The following RIT2 variants were observed in gnomAD, a reference collection of about 807,000 sequenced individuals.
The protein encoded by RIT2 is GTP-binding protein Rit2.
RIT2 carries 24 observed loss-of-function variants against 23.7 expected under a neutral mutation model. That is an observed-to-expected ratio of 1.01 (90% CI 0.73 to 1.43). The LOEUF (loss-of-function observed/expected upper bound fraction) is 1.43, where lower values mean the gene tolerates loss of function less well. RIT2 is among the 40% of genes most tolerant of loss of function. The pLI is 0.00. For missense variants in RIT2, 236 were observed against 266.9 expected, an observed-to-expected ratio of 0.88 and a Z score of 0.81; for synonymous variants, 107 against 91.1, an observed-to-expected ratio of 1.17 and a Z score of -0.99.
At chr18:42,920,605 C>T (rs1184145537) in intron 4 of RIT2, 13 of 793,296 alleles carry the variant, frequency 1.6e-5, no homozygotes, top group East Asian at 2.6e-5. Flanking sequence ...CACTAAAACT[C>T]GTTGTCTTTT....
At chr18:43,074,688 C>CAT (rs1912971215) in intron 1 of RIT2, among the ~76,000 whole-genome samples, 1 of 152,156 alleles carries the variant, frequency 6.6e-6, no homozygotes, top group African/African-American at 2.4e-5. Flanking sequence ...AAATCTGGCA[C>CAT]ATATACACCA....
intron 4 of RIT2, among the ~76,000 whole-genome samples, chr18:42,814,892 G>A (rs762932195): frequency 5.3e-5 from 8 of 152,182 alleles, no homozygotes; most frequent in Non-Finnish European, 7.3e-5. Flanking sequence ...CCTGGTAGAC[G>A]TGCTGGGTGG....
chr18:43,053,624 C>T (rs753385809), intron 1 of RIT2, among the ~76,000 whole-genome samples: 5 of 151,906 alleles, frequency 3.3e-5, no homozygotes, highest in Non-Finnish European at 4.4e-5. Flanking sequence ...TTACCCCACT[C>T]AAAAATGATT....
chr18:43,033,601 G>A (rs1911907219), intron 2 of RIT2, among the ~76,000 whole-genome samples: 1 of 152,082 alleles, frequency 6.6e-6, no homozygotes, highest in Non-Finnish European at 1.5e-5. Flanking sequence ...AAATAGAATA[G>A]ATAATACCAG....
At chr18:42,917,942 T>C (rs1908954839) in intron 4 of RIT2, among the ~76,000 whole-genome samples, 2 of 152,172 alleles carry the variant, frequency 1.3e-5, no homozygotes, top group Admixed American at 1.3e-4. Context: ...ACCCCTTCCC[T>C]TGCTTCATTT....
intron 1 of RIT2, among the ~76,000 whole-genome samples, chr18:43,036,500 C>A (rs1032423589): frequency 4.6e-5 from 7 of 152,032 alleles, no homozygotes; most frequent in African/African-American, 7.2e-5. Flanking sequence ...AAATTGTGCC[C>A]CTGCACTCCA....
At chr18:43,025,694 A>G (rs568137150) in intron 2 of RIT2, among the ~76,000 whole-genome samples, 97 of 152,250 alleles carry the variant, frequency 6.4e-4, no homozygotes, top group Non-Finnish European at 1.3e-3. Flanking sequence ...CAGCACATGG[A>G]TGAAACTAGA....
chr18:42,773,704 A>G (rs1913602723), intron 4 of RIT2, among the ~76,000 whole-genome samples: 1 of 152,204 alleles, frequency 6.6e-6, no homozygotes, highest in African/African-American at 2.4e-5. Flanking sequence ...AATGCTATGA[A>G]GGATAATTGT....
chr18:42,965,567 T>C (rs911219149), intron 3 of RIT2, among the ~76,000 whole-genome samples: 4 of 151,982 alleles, frequency 2.6e-5, no homozygotes, highest in Non-Finnish European at 5.9e-5. Flanking sequence ...ATATGGACCA[T>C]GTAAATCAAG....
chr18:42,789,984 C>T (rs1943169), intron 4 of RIT2, among the ~76,000 whole-genome samples: 59,160 of 151,892 alleles, frequency 0.39, 13,729 homozygotes, highest in African/African-American at 0.65. Flanking sequence ...CTTATTGTTT[C>T]GATGTATATT....
intron 1 of RIT2, among the ~76,000 whole-genome samples, chr18:43,100,968 C>T (rs1386298354): frequency 1.3e-5 from 2 of 151,770 alleles, no homozygotes; most frequent in African/African-American, 2.4e-5. Flanking sequence ...CACACACATG[C>T]ACAGACATAT....
At chr18:43,038,313 G>GT (rs71175933) in intron 1 of RIT2, among the ~76,000 whole-genome samples, 6,861 of 136,744 alleles carry the variant, frequency 0.05, 192 homozygotes, top group South Asian at 0.13. Flanking sequence ...TTGAATCGTG[G>GT]TTTTTTTTTT....
At chr18:42,758,661 G>C (rs1384543263) in intron 4 of RIT2, among the ~76,000 whole-genome samples, 1 of 149,864 alleles carries the variant, frequency 6.7e-6, no homozygotes, top group African/African-American at 2.4e-5. Flanking sequence ...TTACAAGCAT[G>C]TGCCACTGCA....
intron 3 of RIT2, among the ~76,000 whole-genome samples, chr18:42,965,745 T>TC (rs1910207058): frequency 7.9e-5 from 10 of 126,118 alleles, no homozygotes; most frequent in African/African-American, 2.6e-4. Context: ...TTTTTTTTTT[T>TC]CAGAATTCTT....
In RIT2 at chr18:42,795,577, C is replaced by T. The variant is rs139748143; in HGVS notation, c.427-51857G>A. Among the ~76,000 whole-genome samples, 180 of 152,334 alleles carry T rather than the reference C, an allele frequency of 1.2e-3. 3 individuals are homozygous for T. The East Asian group carries it at 0.028, about 24-fold the overall frequency. On this transcript the variant is annotated intron_variant, in intron 4 of 4. Transcript: ENST00000326695. ...ATGAGCGCAGCCCCCTGCTCCACGG[C>T]GCCCAGTCCCATCGACCACCTAAGG...
chr18:43,024,948 C>A (rs1911678545), intron 2 of RIT2, among the ~76,000 whole-genome samples: 1 of 151,970 alleles, frequency 6.6e-6, no homozygotes, highest in African/African-American at 2.4e-5. Flanking sequence ...TGGCTCATAC[C>A]TGTAATCTCA....
intron 1 of RIT2, among the ~76,000 whole-genome samples, chr18:43,046,445 C>G (rs1289545045): frequency 2.6e-5 from 4 of 152,142 alleles, no homozygotes; most frequent in Non-Finnish European, 5.9e-5. Flanking sequence ...CATCTTGCCT[C>G]CACAGTAAAC....
At chr18:42,850,047 A>G (rs931782238) in intron 4 of RIT2, among the ~76,000 whole-genome samples, 8 of 151,680 alleles carry the variant, frequency 5.3e-5, no homozygotes, top group African/African-American at 1.9e-4. Flanking sequence ...ACTAGAAAGT[A>G]TAATTTTAAT....
At position 42,953,919 on chromosome 18, in the gene RIT2, G is replaced by C. The variant is rs899538546; in HGVS notation, c.234+20155C>G. Among the ~76,000 whole-genome samples, 61 of 152,076 alleles carry C rather than the reference G, an allele frequency of 4.0e-4. 1 individual carries two copies. The highest frequency in any genetic ancestry group is 2.0e-3 in the Admixed American group (30 of 15,246). ...GATCTCAGGCTTTTCTTATCTTCTA[G>C]AATGAACTCTATTTCTCATCTAAAA... On this transcript the variant is annotated intron_variant, in intron 3 of 4. Coordinates refer to ENST00000326695, the MANE Select transcript of RIT2 (RefSeq NM_002930.4).
Sources: allele counts gnomAD v4.1 joint callset (sites outside exome capture counted in the v4.1 genomes callset), GRCh38; gene constraint gnomAD v4.1.1; transcripts MANE v1.5; gene names NCBI Gene and HGNC (gene_info 2026-07-23, HGNC 2026-07-21).